NACC2: variants seen among roughly 807,000 people sequenced by gnomAD.
NACC2 encodes nucleus accumbens-associated protein 2.
In NACC2, 8 loss-of-function variants were observed where a neutral mutation model predicts 25.1. The observed-to-expected ratio is 0.32, with a 90% CI of 0.19 to 0.57. The LOEUF (loss-of-function observed/expected upper bound fraction) is 0.57, where lower values mean the gene tolerates loss of function less well. NACC2 is among the 20% of genes least tolerant of loss of function. NACC2 has a pLI of 0.89. For missense variants in NACC2, 644 were observed against 650.2 expected (o/e 0.99, Z 0.10); for synonymous variants, 435 against 294.7 (o/e 1.48, Z -4.88).
At chr9:136,076,569 G>A (rs556682088) in intron 1 of NACC2, among the ~76,000 whole-genome samples, 1 of 152,272 alleles carries the variant, frequency 6.6e-6, no homozygotes, top group East Asian at 1.9e-4. Context: ...TTCAATGGGT[G>A]CAGTTTCGGT....
chr9:136,059,918 T>C lies in NACC2; in HGVS notation c.-59-9338A>G, dbSNP rs560196994. Among the ~76,000 whole-genome samples, 77 of 152,336 alleles carry C rather than the reference T, an allele frequency of 5.1e-4. 1 individual carries two copies. The highest frequency in any genetic ancestry group is 1.9e-3 in the African/African-American group (77 of 41,582). On this transcript the variant is annotated intron_variant, in intron 1 of 5. Transcript: ENST00000277554. ...GCAGCCAAGACCCACCCCGATGTCC[T>C]GACCAGCAGAGAGGGGCCGCACCCT...
chr9:136,051,876 A>AAGGAGGAGG (rs1162435573), intron 1 of NACC2, among the ~76,000 whole-genome samples: 10,182 of 131,788 alleles, frequency 0.077, 534 homozygotes, highest in African/African-American at 0.14. Flanking sequence ...GGGAGCCGGC[A>AAGGAGGAGG]AGGAGGAGGA....
intron 1 of NACC2, among the ~76,000 whole-genome samples, chr9:136,071,476 G>C (rs1279781126): frequency 1.3e-5 from 2 of 150,550 alleles, no homozygotes; most frequent in African/African-American, 4.9e-5. Flanking sequence ...CTGGGAGGTG[G>C]AGGTTGTACT....
intron 1 of NACC2, among the ~76,000 whole-genome samples, chr9:136,088,540 G>A (rs770305973): frequency 1.4e-4 from 21 of 152,306 alleles, no homozygotes; most frequent in Middle Eastern, 6.8e-3. Context: ...TTTCTCGGGG[G>A]CACTTGGGGC....
At chr9:136,089,408 G>A (rs79659145) in intron 1 of NACC2, among the ~76,000 whole-genome samples, 6,409 of 152,086 alleles carry the variant, frequency 0.042, 426 homozygotes, top group African/African-American at 0.15. Flanking sequence ...ACTTCCAGGC[G>A]AAGGGTAGGG....
intron 5 of NACC2, 35 bp from the exon 6 acceptor site, chr9:136,012,059 G>A: frequency 6.8e-7 from 1 of 1,476,920 alleles, no homozygotes; most frequent in Non-Finnish European, 9.0e-7. Flanking sequence ...TCAGCCACCT[G>A]CCTGCCGGGA....
At chr9:136,048,895 T>G (rs1840771230) in intron 2 of NACC2, among the ~76,000 whole-genome samples, 1 of 152,202 alleles carries the variant, frequency 6.6e-6, no homozygotes, top group African/African-American at 2.4e-5. Context: ...GTGGCTGGCA[T>G]TATGCACCCG....
intron 1 of NACC2, among the ~76,000 whole-genome samples, chr9:136,088,388 C>G (rs1391009670): frequency 6.6e-6 from 1 of 152,184 alleles, no homozygotes; most frequent in Non-Finnish European, 1.5e-5. Flanking sequence ...TTTGAGTCCA[C>G]ACAGCAATGC....
intron 1 of NACC2, among the ~76,000 whole-genome samples, chr9:136,053,428 C>T (rs1042154838): frequency 1.2e-4 from 18 of 152,148 alleles, no homozygotes; most frequent in African/African-American, 4.3e-4. Context: ...TTTACAGAAA[C>T]GTCCCCACTC....
chr9:136,088,744 C>T (rs981254871), intron 1 of NACC2, among the ~76,000 whole-genome samples: 2 of 152,058 alleles, frequency 1.3e-5, no homozygotes, highest in African/African-American at 2.4e-5. Context: ...TTCATGCCTC[C>T]TAGGGTCCCC....
chr9:136,012,182 G>C (rs1264857733), intron 5 of NACC2, among the ~76,000 whole-genome samples, 158 bp from the exon 6 acceptor site: 1 of 152,214 alleles, frequency 6.6e-6, no homozygotes, highest in Non-Finnish European at 1.5e-5. Context: ...CAGAAGACCA[G>C]AGGTCACGTT....
At chr9:136,046,820 A>C (rs1840732425) in intron 2 of NACC2, among the ~76,000 whole-genome samples, 2 of 152,218 alleles carry the variant, frequency 1.3e-5, no homozygotes, top group African/African-American at 4.8e-5. Context: ...CCTTGCCGTG[A>C]GGCCACACAG....
At chr9:136,092,562 C>G (rs1328986375) in intron 1 of NACC2, among the ~76,000 whole-genome samples, 2 of 152,218 alleles carry the variant, frequency 1.3e-5, no homozygotes, top group Non-Finnish European at 2.9e-5. Flanking sequence ...TTCCTCAGCC[C>G]AGGCCAGAAA....
intron 1 of NACC2, among the ~76,000 whole-genome samples, chr9:136,078,952 TCGCCGGCATGATGCCGCGCCGCCGC>T (rs1830292298): frequency 6.6e-6 from 1 of 152,098 alleles, no homozygotes; most frequent in Non-Finnish European, 1.5e-5. Context: ...CTTAGCACCG[TCGCCGGCATGATGCCGCGCCGCCGC>T]CGCCCCTCTC....
intron 1 of NACC2, among the ~76,000 whole-genome samples, chr9:136,058,873 C>T (rs756119205): frequency 2.7e-4 from 41 of 152,234 alleles, no homozygotes; most frequent in Admixed American, 1.8e-3. Context: ...ATGGAGGGGA[C>T]GCAGGGGCCG....
At chr9:136,091,664 C>T (rs1830434939) in intron 1 of NACC2, among the ~76,000 whole-genome samples, 1 of 152,174 alleles carries the variant, frequency 6.6e-6, no homozygotes, top group African/African-American at 2.4e-5. Flanking sequence ...TTCCAAAACC[C>T]AAACCGTAAA....
chr9:136,012,865 C>T (rs971029453), intron 5 of NACC2, among the ~76,000 whole-genome samples: 4 of 152,198 alleles, frequency 2.6e-5, no homozygotes, highest in Non-Finnish European at 5.9e-5. Context: ...AGGCAGAAGC[C>T]GGCCGAACAG....
intron 2 of NACC2, 52 bp from the exon 3 acceptor site, chr9:136,016,481 C>T (rs1179898029): frequency 6.2e-7 from 1 of 1,602,820 alleles, no homozygotes; most frequent in Non-Finnish European, 8.5e-7. Flanking sequence ...GGCCGGGCTG[C>T]TCTGTGCCTG....
rs1289191019 is a variant in NACC2, at chr9:136,033,628, G to A, written c.886+16008C>T. Among the ~76,000 whole-genome samples, 143 of 122,320 alleles carry A rather than the reference G, an allele frequency of 1.2e-3. 1 individual carries two copies. Among genetic ancestry groups the A allele is most frequent in the East Asian group, 1.1e-3 (4 of 3,778 alleles). 80.2% of individuals were successfully genotyped at this position (122,320 alleles called of 152,430 possible). A position where few individuals can be genotyped will look rare whatever the true frequency, so the allele number is the denominator to read the frequency against. On this transcript the variant is annotated intron_variant, in intron 2 of 5. Transcript: ENST00000277554. ...TCTGCCACTGCACTCCAGCCCGGGGGACAGAGCAAGACTCTGTCTCAAAAA... is the reference window on the plus strand; with the variant it reads ...TCTGCCACTGCACTCCAGCCCGGGGAACAGAGCAAGACTCTGTCTCAAAAA...
Sources: gnomAD v4.1 joint callset for allele counts (sites outside exome capture counted in the v4.1 genomes callset) on GRCh38, gnomAD v4.1.1 for gene constraint, MANE v1.5 for transcripts, NCBI Gene and HGNC (gene_info 2026-07-23, HGNC 2026-07-21) for gene names.